MAF: variants seen among roughly 807,000 people sequenced by gnomAD.
The protein encoded by MAF is transcription factor Maf.
In MAF, 10 loss-of-function variants were observed where a neutral mutation model predicts 22.0. The observed-to-expected ratio is 0.45, with a 90% CI of 0.28 to 0.77. The LOEUF is 0.77. Among genes scored for constraint, MAF ranks in the 30% least tolerant of loss-of-function variants. The pLI, the probability that MAF is intolerant of heterozygous loss-of-function variation, is 0.12. For synonymous variants in MAF, 337 were observed against 255.8 expected (o/e 1.32, Z -3.03); for missense variants, 544 against 548.4 (o/e 0.99, Z 0.08).
At chr16:79,369,824 G>C in the MAF span, among the ~76,000 whole-genome samples, 1 of 152,184 alleles carries the variant, frequency 6.6e-6, no homozygotes, top group Admixed American at 6.5e-5. Flanking sequence ...TGAAAACTTT[G>C]GACAAGAGCA....
chr16:79,453,120 A>T, the MAF span, among the ~76,000 whole-genome samples: 1 of 152,164 alleles, frequency 6.6e-6, no homozygotes, highest in East Asian at 1.9e-4. Flanking sequence ...AAAGCACTGG[A>T]AACACTTTTC....
the MAF span, among the ~76,000 whole-genome samples, chr16:79,246,296 G>C: frequency 3.3e-5 from 5 of 152,022 alleles, no homozygotes; most frequent in Admixed American, 1.3e-4. Flanking sequence ...TCTAAATTTA[G>C]AAAAAGAGTC....
chr16:79,356,323 G>A, the MAF span, among the ~76,000 whole-genome samples: 4 of 152,246 alleles, frequency 2.6e-5, no homozygotes, highest in South Asian at 8.3e-4. Flanking sequence ...CTAACGAGCA[G>A]GAAATTCACA....
chr16:79,285,516 A>T, the MAF span, among the ~76,000 whole-genome samples: 2 of 152,278 alleles, frequency 1.3e-5, no homozygotes, highest in South Asian at 4.1e-4. Flanking sequence ...GGAGCAGGGA[A>T]GGCTTGTGCA....
the MAF span, among the ~76,000 whole-genome samples, chr16:79,532,012 A>T: frequency 6.6e-6 from 1 of 152,096 alleles, no homozygotes; most frequent in Non-Finnish European, 1.5e-5. Flanking sequence ...ACAATAGGGA[A>T]TACCCAGTCC....
chr16:79,543,355 C>A, the MAF span, among the ~76,000 whole-genome samples: 3 of 152,182 alleles, frequency 2.0e-5, no homozygotes, highest in African/African-American at 7.2e-5. Flanking sequence ...CAAGTGCCTC[C>A]TTCCCACTTA....
At chr16:79,382,490 T>C in the MAF span, among the ~76,000 whole-genome samples, 1 of 152,232 alleles carries the variant, frequency 6.6e-6, no homozygotes, top group Non-Finnish European at 1.5e-5. Flanking sequence ...GGAACTAAAT[T>C]GTAAACTGTG....
chr16:79,442,388 T>C, the MAF span, among the ~76,000 whole-genome samples: 1 of 152,084 alleles, frequency 6.6e-6, no homozygotes, highest in Non-Finnish European at 1.5e-5. Context: ...TATTTTATTT[T>C]AGAAACAGGC....
the MAF span, among the ~76,000 whole-genome samples, chr16:79,213,165 G>GCTTCTGCTGAAATACCAGGAAGGAA: frequency 6.6e-6 from 1 of 151,936 alleles, no homozygotes; most frequent in African/African-American, 2.4e-5. Flanking sequence ...GCAAGACGGA[G>GCTTCTGCTGAAATACCAGGAAGGAA]AAAATGCTTC....
chr16:79,549,463 C>T, the MAF span, among the ~76,000 whole-genome samples: 4 of 152,194 alleles, frequency 2.6e-5, no homozygotes, highest in African/African-American at 7.2e-5. Context: ...GTACGTTCCT[C>T]AACAACTGCA....
At chr16:79,475,285 A>G in the MAF span, among the ~76,000 whole-genome samples, 3 of 151,436 alleles carry the variant, frequency 2.0e-5, no homozygotes, top group African/African-American at 7.3e-5. Context: ...AAATATATAT[A>G]TTATTAATTA....
At chr16:79,383,057 A>G in the MAF span, among the ~76,000 whole-genome samples, 1 of 152,236 alleles carries the variant, frequency 6.6e-6, no homozygotes, top group African/African-American at 2.4e-5. Flanking sequence ...GGGGCAAAAG[A>G]ATAGATAATA....
the MAF span, among the ~76,000 whole-genome samples, chr16:79,229,821 A>T: frequency 0.11 from 16,884 of 152,006 alleles, 1,767 homozygotes; most frequent in African/African-American, 0.27. Flanking sequence ...TAGTGGTGAG[A>T]GGGTCCTAAA....
At chr16:79,219,481 G>A in the MAF span, among the ~76,000 whole-genome samples, 1 of 151,138 alleles carries the variant, frequency 6.6e-6, no homozygotes, top group African/African-American at 2.4e-5. Flanking sequence ...AACCCGGGGG[G>A]CGGAGCCTAA....
chr16:79,341,226 T>C, the MAF span, among the ~76,000 whole-genome samples: 11 of 152,174 alleles, frequency 7.2e-5, no homozygotes, highest in Non-Finnish European at 4.4e-5. Flanking sequence ...AGAGACAATG[T>C]AGTGTGGGTA....
At chr16:79,597,868 C>T (rs1913649831) in intron 1 of MAF, 2 of 1,028,160 alleles carry the variant, frequency 1.9e-6, no homozygotes, top group Non-Finnish European at 1.2e-6. Flanking sequence ...TTCATTGTTG[C>T]TAAGACAAAG....
the MAF span, among the ~76,000 whole-genome samples, chr16:79,312,248 G>C: frequency 6.6e-6 from 1 of 152,102 alleles, no homozygotes; most frequent in Non-Finnish European, 1.5e-5. Flanking sequence ...TGTCTGCACA[G>C]AGTTTTGTAT....
At chr16:79,217,556 T>C in the MAF span, among the ~76,000 whole-genome samples, 2 of 152,234 alleles carry the variant, frequency 1.3e-5, no homozygotes. Flanking sequence ...CTGTTCTGAC[T>C]GTAAGTTGGT....
chr16:79,426,350 G>A, the MAF span, among the ~76,000 whole-genome samples: 1 of 152,060 alleles, frequency 6.6e-6, no homozygotes. Context: ...TAGCTATATT[G>A]GGTCAAATAT....
Sources: allele counts gnomAD v4.1 joint callset (sites outside exome capture counted in the v4.1 genomes callset), GRCh38; gene constraint gnomAD v4.1.1; transcripts MANE v1.5; gene names NCBI Gene and HGNC (gene_info 2026-07-23, HGNC 2026-07-21).